FUBP1: variants seen among roughly 807,000 people sequenced by gnomAD.
The protein encoded by FUBP1 is far upstream element binding protein 1.
Under a neutral mutation model 94.9 loss-of-function variants are expected in FUBP1, and 16 were observed. The ratio of observed to expected loss-of-function variants is 0.17; its 90% CI spans 0.11 to 0.26. FUBP1 has a LOEUF of 0.26. FUBP1 is among the 10% of genes least tolerant of loss of function. FUBP1 has a pLI of 1.00. For missense variants in FUBP1, 583 were observed against 808.6 expected, an observed-to-expected ratio of 0.72 and a Z score of 3.38; for synonymous variants, 279 against 254.9, an observed-to-expected ratio of 1.09 and a Z score of -0.90.
chr1:77,954,207 C>T (rs768509952), intron 18 of FUBP1, among the ~76,000 whole-genome samples: 1 of 152,172 alleles, frequency 6.6e-6, no homozygotes, highest in Non-Finnish European at 1.5e-5. Flanking sequence ...GCTGTCAGGG[C>T]ATGATTATTA....
intron 12 of FUBP1, 76 bp from the exon 13 acceptor site, chr1:77,963,791 TTTTTCC>T: frequency 1.6e-6 from 2 of 1,269,808 alleles, no homozygotes; most frequent in Non-Finnish European, 2.2e-6. Context: ...ATTAAGTTTA[TTTTTCC>T]CAGCTCTCAT....
chr1:77,977,547 C>T (rs1326429869), intron 1 of FUBP1, among the ~76,000 whole-genome samples: 1 of 151,034 alleles, frequency 6.6e-6, no homozygotes, highest in Non-Finnish European at 1.5e-5. Context: ...AACAAAACTC[C>T]AGTATCTACC....
rs372793180 is a variant in FUBP1, at chr1:77,962,892, C to T, written c.1222G>A (p.Ala408Thr). 1 of 1,612,980 alleles carries T rather than the reference C, an allele frequency of 6.2e-7. No homozygotes were observed. Among genetic ancestry groups the T allele is most frequent in the Non-Finnish European group, 8.5e-7 (1 of 1,179,108 alleles). ...TIKSISQQSG[A>T]RIELQRNPPP... ...GGATTTCTCTGAAGTTCTATTCTTGCACCAGACTGCTGGCTTATGCTTTTT... is the reference window on the plus strand; with the variant it reads ...GGATTTCTCTGAAGTTCTATTCTTGTACCAGACTGCTGGCTTATGCTTTTT... The change falls in exon 14 of 20, where the codon GCA (alanine) becomes ACA (threonine). Residue 408 changes from alanine to threonine, a missense_variant. Transcript: ENST00000370768.
At chr1:77,978,780 A>G (rs778435204) in intron 1 of FUBP1, 105 bp downstream of exon 1, 7 of 1,371,228 alleles carry the variant, frequency 5.1e-6, no homozygotes, top group Non-Finnish European at 6.2e-6. Flanking sequence ...TCAGCCCGGA[A>G]GAACACCTCT....
Position 77,946,512 on chromosome 1 carries a change from T to A in FUBP1, c.*2254A>T, listed in dbSNP as rs1652198741. 5.0e-6 allele frequency: 1 copy of A among 201,228 alleles called. No individual in the cohort carries two copies. Among genetic ancestry groups the A allele is most frequent in the Non-Finnish European group, 1.0e-5 (1 of 97,462 alleles). 12.5% of individuals were successfully genotyped at this position (201,228 alleles called of 1,614,324 possible). A position where few individuals can be genotyped will look rare whatever the true frequency, so the allele number is the denominator to read the frequency against. On this transcript the variant is annotated 3_prime_UTR_variant, in exon 20 of 20. Coordinates refer to ENST00000370768, the MANE Select transcript of FUBP1 (RefSeq NM_003902.5). Reference sequence around the variant, plus strand: ...GTATTGAAATATTTATTTATATATGTCCTTAGGTTGTGCTTACCTGGTGCT... The same window carrying A: ...GTATTGAAATATTTATTTATATATGACCTTAGGTTGTGCTTACCTGGTGCT...
At chr1:77,949,589 AG>A (rs1412318929) in intron 18 of FUBP1, among the ~76,000 whole-genome samples, 1 of 152,134 alleles carries the variant, frequency 6.6e-6, no homozygotes, top group African/African-American at 2.4e-5. Context: ...AAAAAAAAAA[AG>A]AACGCTCTTT....
Position 77,964,961 on chromosome 1 carries a change from G to T in FUBP1, c.644C>A (p.Ala215Asp). 1 of 1,610,382 alleles carries T rather than the reference G, an allele frequency of 6.2e-7. No individual in the cohort carries two copies. The highest frequency in any genetic ancestry group is 8.5e-7 in the Non-Finnish European group (1 of 1,176,710). The change falls in exon 9 of 20, where the codon GCT becomes GAT. Residue 215 changes from alanine (A) to aspartate (D), a missense_variant. Transcript: ENST00000370768. ...GETIKQLQERAGVKMVMIQDG... is the reference protein window; with the variant it reads ...GETIKQLQERDGVKMVMIQDG... ...TTGAATCATAACCATTTTAACTCCA[G>T]CCCGTTCCTGTTACAATCATAGAAA...
chr1:77,965,667 A>T (rs1337626140), intron 7 of FUBP1, among the ~76,000 whole-genome samples: 1 of 152,248 alleles, frequency 6.6e-6, no homozygotes, highest in African/African-American at 2.4e-5. Context: ...GCACTCAAAG[A>T]AACAGGGTTC....
In FUBP1 at chr1:77,958,607, C is replaced by T. The variant is rs182701015; in HGVS notation, c.1576+1577G>A. 3.3e-5 allele frequency among the ~76,000 whole-genome samples: 5 copies of T among 152,314 alleles called. No individual in the cohort carries two copies. The East Asian group carries it at 9.6e-4, about 29-fold the overall frequency. Reference sequence around the variant, plus strand: ...TTAGTTAAATGGGTTACTTCTTGCCCAAAGGCCATGCTGCAACCACATTCA... The same window carrying T: ...TTAGTTAAATGGGTTACTTCTTGCCTAAAGGCCATGCTGCAACCACATTCA... On this transcript the variant is annotated intron_variant, in intron 16 of 19. Coordinates refer to ENST00000370768, the MANE Select transcript of FUBP1 (RefSeq NM_003902.5).
chr1:77,955,324 G>T lies in FUBP1; in HGVS notation c.1711C>A (p.Gln571Lys). ...TGTCCAGCTGGGGCTGGATTCTGCTGATCTCCTTGTTCAAGCAAAACAAAA... is the reference window on the plus strand; with the variant it reads ...TGTCCAGCTGGGGCTGGATTCTGCTTATCTCCTTGTTCAAGCAAAACAAAA... ...TTTQTNGQGD[Q>K]QNPAPAGQVD... is the part of the protein sequence containing the mutation. Residue 571 changes from glutamine to lysine, a missense_variant, in exon 18 of 20, where the codon CAG (glutamine) becomes AAG (lysine). Physicochemically the swap from Gln to Lys is moderately conservative, Grantham distance 53 (BLOSUM62 1). Coordinates refer to ENST00000370768, the MANE Select transcript of FUBP1 (RefSeq NM_003902.5). 6.4e-7 allele frequency: 1 copy of T among 1,569,544 alleles called. No homozygotes were observed. The highest frequency in any genetic ancestry group is 8.8e-7 in the Non-Finnish European group (1 of 1,139,760).
intron 2 of FUBP1, chr1:77,968,922 C>A: frequency 4.8e-6 from 2 of 417,756 alleles, no homozygotes; most frequent in Non-Finnish European, 9.6e-6. Context: ...ATAAAATATG[C>A]GCAGACACAT....
intron 18 of FUBP1, 130 bp downstream of exon 18, chr1:77,955,125 A>G (rs1654208533): frequency 1.8e-6 from 1 of 565,558 alleles, no homozygotes. Context: ...ACAAATTTAA[A>G]AACTATAATT....
chr1:77,959,157 A>T (rs923278567), intron 16 of FUBP1, among the ~76,000 whole-genome samples: 5 of 152,148 alleles, frequency 3.3e-5, no homozygotes, highest in African/African-American at 1.2e-4. Flanking sequence ...TATGTGTAGA[A>T]AGTATTCCAT....
At chr1:77,952,177 G>T (rs1032298802) in intron 18 of FUBP1, among the ~76,000 whole-genome samples, 1 of 151,940 alleles carries the variant, frequency 6.6e-6, no homozygotes, top group South Asian at 2.1e-4. Flanking sequence ...GGTGGATGCT[G>T]CAAGTGAGCC....
intron 1 of FUBP1, among the ~76,000 whole-genome samples, chr1:77,977,241 C>T (rs1259318828): frequency 6.6e-6 from 1 of 152,234 alleles, no homozygotes; most frequent in Non-Finnish European, 1.5e-5. Flanking sequence ...GGCGCAGCGG[C>T]TCACGCCTGT....
Position 77,963,670 on chromosome 1 carries a change from T to G in FUBP1, c.1087A>C (p.Arg363=), listed in dbSNP as rs1655941440. 6.2e-7 allele frequency: 1 copy of G among 1,610,428 alleles called. No individual in the cohort carries two copies. Residue 363 remains arginine (R), a synonymous_variant, in exon 13 of 20, where the codon AGA becomes CGA. Transcript: ENST00000370768. ...CCCATGTTCCAGTTGCCTTGACCTC[T>G]ACCTCTTCCTCGACCACCAGGTCCA... The part of the protein sequence containing the change: ...GPGPGGRGRG[R]GQGNWNMGPP...
Position 77,979,049 on chromosome 1 carries a change from TCAGCTAA to T in FUBP1, c.-52_-46del. 5.2e-6 allele frequency: 8 copies of T among 1,552,640 alleles called. No individual in the cohort carries two copies. Among genetic ancestry groups the T allele is most frequent in the Admixed American group, 1.9e-5 (1 of 51,388 alleles). On this transcript the variant is annotated 5_prime_UTR_variant, in exon 1 of 20. Transcript: ENST00000370768. ...CTGCCGCCTGTTCAGAGACTTCCTCTCAGCTAACAGCTAAGAAAGAAAGAAAATGGCG... is the reference window on the plus strand; with the variant it reads ...CTGCCGCCTGTTCAGAGACTTCCTCTCAGCTAAGAAAGAAAGAAAATGGCG...
In FUBP1 at chr1:77,979,019, A is replaced by G. The variant is rs2102565657; in HGVS notation, c.-15T>C. 6.2e-7 allele frequency: 1 copy of G among 1,600,424 alleles called. No homozygotes were observed. The highest frequency in any genetic ancestry group is 8.5e-7 in the Non-Finnish European group (1 of 1,170,454). ...TAGTCTGCCATGGTTGCACTATAAGAGCCGCTGCCGCCTGTTCAGAGACTT... is the reference window on the plus strand; with the variant it reads ...TAGTCTGCCATGGTTGCACTATAAGGGCCGCTGCCGCCTGTTCAGAGACTT... On this transcript the variant is annotated 5_prime_UTR_variant, in exon 1 of 20. Coordinates refer to ENST00000370768, the MANE Select transcript of FUBP1 (RefSeq NM_003902.5).
At chr1:77,968,961 G>A in intron 2 of FUBP1, 1 of 531,228 alleles carries the variant, frequency 1.9e-6, no homozygotes, top group Non-Finnish European at 3.4e-6. Context: ...GTCCATTTAA[G>A]AATCCACTGG....
Sources: allele counts gnomAD v4.1 joint callset (sites outside exome capture counted in the v4.1 genomes callset), GRCh38; gene constraint gnomAD v4.1.1; transcripts MANE v1.5; gene names NCBI Gene and HGNC (gene_info 2026-07-23, HGNC 2026-07-21).